Variants in CDKAL1 observed in about 807,000 individuals in gnomAD.
The protein encoded by CDKAL1 is threonylcarbamoyladenosine tRNA methylthiotransferase.
A neutral mutation model predicts 68.2 loss-of-function variants in CDKAL1; 32 were observed. The observed-to-expected ratio is 0.47, with a 90% CI of 0.35 to 0.63. The LOEUF is 0.63. Among genes scored for constraint, CDKAL1 ranks in the 30% least tolerant of loss-of-function variants. CDKAL1 has a pLI of 0.00. For synonymous variants in CDKAL1, 234 were observed against 244.3 expected (o/e 0.96, Z 0.39); for missense variants, 606 against 696.7 (o/e 0.87, Z 1.47).
At chr6:20,548,567 T>A in intron 3 of CDKAL1, 26 bp from the exon 4 acceptor site, 1 of 1,065,584 alleles carries the variant, frequency 9.4e-7, no homozygotes, top group Admixed American at 2.0e-5. Context: ...AAACTTACTT[T>A]TTTTTTTTTA....
At chr6:20,969,970 A>G (rs564753181) in intron 10 of CDKAL1, among the ~76,000 whole-genome samples, 8 of 129,536 alleles carry the variant, frequency 6.2e-5, no homozygotes, top group Non-Finnish European at 1.0e-4. Context: ...TGATTTGCTT[A>G]TTGTTTGTCC....
chr6:20,610,452 G>T (rs1475237259), intron 4 of CDKAL1, among the ~76,000 whole-genome samples: 1 of 151,764 alleles, frequency 6.6e-6, no homozygotes, highest in Non-Finnish European at 1.5e-5. Flanking sequence ...GTTATTTTTT[G>T]ACTTTAATAA....
Position 20,718,828 on chromosome 6 carries a change from T to TA in CDKAL1, c.372-20683dup, listed in dbSNP as rs569908123. Among the ~76,000 whole-genome samples the TA allele has an allele frequency of 2.1e-3, 324 of 152,126 alleles. 3 individuals carry two copies. Among genetic ancestry groups the TA allele is most frequent in the South Asian group, 7.9e-3 (38 of 4,818 alleles). ...AAAATATTTTTACTTTTTTTATAATTAAAAAAAACTTCTTACTATTTGGAA... is the reference window on the plus strand; with the variant it reads ...AAAATATTTTTACTTTTTTTATAATTAAAAAAAAACTTCTTACTATTTGGAA... On this transcript the variant is annotated intron_variant, in intron 5 of 15. Coordinates refer to ENST00000274695, the MANE Select transcript of CDKAL1 (RefSeq NM_017774.3).
intron 9 of CDKAL1, among the ~76,000 whole-genome samples, chr6:20,880,458 T>C (rs1384295517): frequency 6.6e-6 from 1 of 152,152 alleles, no homozygotes; most frequent in Non-Finnish European, 1.5e-5. Flanking sequence ...GGTTTCACCA[T>C]GTTGGCCAGG....
At chr6:20,870,869 G>C (rs1561845836) in intron 9 of CDKAL1, among the ~76,000 whole-genome samples, 1 of 152,136 alleles carries the variant, frequency 6.6e-6, no homozygotes, top group Non-Finnish European at 1.5e-5. Context: ...TCAGTAGATG[G>C]TCAGGACTGT....
intron 15 of CDKAL1, among the ~76,000 whole-genome samples, chr6:21,207,023 G>A (rs763052134): frequency 8.0e-5 from 12 of 150,422 alleles, no homozygotes; most frequent in Non-Finnish European, 1.2e-4. Flanking sequence ...AGTGATTCTC[G>A]TACCTCAGCC....
chr6:20,584,257 T>C (rs997527022), intron 4 of CDKAL1, among the ~76,000 whole-genome samples: 4 of 151,606 alleles, frequency 2.6e-5, no homozygotes, highest in African/African-American at 7.3e-5. Context: ...TAGGAGGGAG[T>C]CTCACACAGG....
At chr6:21,123,381 G>A (rs1774825540) in intron 13 of CDKAL1, among the ~76,000 whole-genome samples, 4 of 152,138 alleles carry the variant, frequency 2.6e-5, no homozygotes, top group Admixed American at 2.6e-4. Context: ...CTTGAGCCTG[G>A]GGGAGCGGAG....
At chr6:20,661,595 A>T (rs1224035099) in intron 5 of CDKAL1, among the ~76,000 whole-genome samples, 2 of 35,696 alleles carry the variant, frequency 5.6e-5, no homozygotes, top group African/African-American at 3.4e-4. Flanking sequence ...CCTGGTTTAC[A>T]TAAAAAAAAA....
intron 5 of CDKAL1, among the ~76,000 whole-genome samples, chr6:20,679,079 T>G (rs1569699): frequency 0.4 from 61,479 of 151,894 alleles, 13,655 homozygotes; most frequent in African/African-American, 0.59. Context: ...TAGATTTATT[T>G]ATTGATTGAT....
chr6:21,067,120 C>A (rs1771495596), intron 12 of CDKAL1, among the ~76,000 whole-genome samples: 1 of 152,122 alleles, frequency 6.6e-6, no homozygotes, highest in Non-Finnish European at 1.5e-5. Flanking sequence ...GTGAATACTT[C>A]CTTATAACTA....
chr6:20,786,328 A>T (rs1775669742), intron 8 of CDKAL1, among the ~76,000 whole-genome samples: 1 of 152,168 alleles, frequency 6.6e-6, no homozygotes. Flanking sequence ...GCACAGCAGG[A>T]TACGGTGTGT....
At chr6:20,922,436 G>C (rs977535931) in intron 9 of CDKAL1, among the ~76,000 whole-genome samples, 2 of 152,176 alleles carry the variant, frequency 1.3e-5, no homozygotes, top group Non-Finnish European at 2.9e-5. Flanking sequence ...ACGCATAGGA[G>C]CCATAAAGAG....
intron 15 of CDKAL1, among the ~76,000 whole-genome samples, chr6:21,203,639 G>A (rs1321800948): frequency 6.6e-6 from 1 of 150,484 alleles, no homozygotes; most frequent in African/African-American, 2.5e-5. Flanking sequence ...TGGTCTCCCT[G>A]GCATCTAAAG....
At chr6:21,037,676 C>A (rs1769666793) in intron 11 of CDKAL1, among the ~76,000 whole-genome samples, 2 of 152,092 alleles carry the variant, frequency 1.3e-5, no homozygotes, top group African/African-American at 4.8e-5. Flanking sequence ...GCTTTCAGTT[C>A]ATTTTAATTT....
intron 11 of CDKAL1, among the ~76,000 whole-genome samples, chr6:21,036,034 C>A (rs1460229269): frequency 6.6e-6 from 1 of 152,096 alleles, no homozygotes; most frequent in Non-Finnish European, 1.5e-5. Context: ...CTGAAAAATG[C>A]TGTTGGATAT....
chr6:21,222,324 T>G (rs1389802455), intron 15 of CDKAL1, among the ~76,000 whole-genome samples: 2 of 152,230 alleles, frequency 1.3e-5, no homozygotes, highest in African/African-American at 2.4e-5. Flanking sequence ...TGATGTAGAA[T>G]TTCTCATTCC....
chr6:20,556,533 A>G (rs745819912), intron 4 of CDKAL1, among the ~76,000 whole-genome samples: 4 of 152,192 alleles, frequency 2.6e-5, no homozygotes, highest in Admixed American at 6.5e-5. Context: ...ATCATCAACT[A>G]TCTTAGTATA....
At chr6:20,882,466 C>T (rs1453493765) in intron 9 of CDKAL1, among the ~76,000 whole-genome samples, 1 of 152,154 alleles carries the variant, frequency 6.6e-6, no homozygotes. Flanking sequence ...TTACTTTTCT[C>T]TTTTAAATCT....
Sources: allele counts gnomAD v4.1 joint callset (sites outside exome capture counted in the v4.1 genomes callset), GRCh38; gene constraint gnomAD v4.1.1; transcripts MANE v1.5; gene names NCBI Gene and HGNC (gene_info 2026-07-23, HGNC 2026-07-21).